Variants in NFYC observed in about 807,000 individuals in gnomAD.
NFYC encodes CAAT box DNA-binding protein subunit C.
A neutral mutation model predicts 53.1 loss-of-function variants in NFYC; 25 were observed. That is an observed-to-expected ratio of 0.47 (90% CI 0.34 to 0.66). The LOEUF is 0.66. Among genes scored for constraint, NFYC ranks in the 30% least tolerant of loss-of-function variants. The probability of loss-of-function intolerance (pLI) is 0.01; values close to 1 mark genes in which losing one functional copy is unlikely to be tolerated. For synonymous variants in NFYC, 145 were observed against 152.6 expected, an observed-to-expected ratio of 0.95 and a Z score of 0.37; for missense variants, 260 against 422.7, an observed-to-expected ratio of 0.62 and a Z score of 3.38.
chr1:40,694,396 A>T (rs894293530), intron 1 of NFYC, among the ~76,000 whole-genome samples: 4 of 152,216 alleles, frequency 2.6e-5, no homozygotes, highest in Admixed American at 6.5e-5. Context: ...TGGAAATCTT[A>T]ATTGCTTTAT....
intron 1 of NFYC, among the ~76,000 whole-genome samples, chr1:40,704,891 A>C (rs1643620352): frequency 6.6e-6 from 1 of 152,176 alleles, no homozygotes; most frequent in Non-Finnish European, 1.5e-5. Flanking sequence ...AGGCCTGCAG[A>C]ATATGCTAGA....
chr1:40,710,524 A>G (rs1467979810), intron 1 of NFYC, among the ~76,000 whole-genome samples: 1 of 152,214 alleles, frequency 6.6e-6, no homozygotes. Context: ...ACTAAGATCT[A>G]TAATACACCT....
At chr1:40,757,820 G>T in intron 5 of NFYC, 1 of 486,256 alleles carries the variant, frequency 2.1e-6, no homozygotes, top group East Asian at 4.0e-5. Flanking sequence ...AAGCACTGCT[G>T]GTGTGTGGTT....
intron 1 of NFYC, among the ~76,000 whole-genome samples, chr1:40,703,854 C>G (rs1410735477): frequency 6.6e-6 from 1 of 152,162 alleles, no homozygotes; most frequent in Non-Finnish European, 1.5e-5. Context: ...CTTATTTAAG[C>G]CTCAACACTC....
At chr1:40,702,271 T>C (rs774543179) in intron 1 of NFYC, among the ~76,000 whole-genome samples, 3 of 152,138 alleles carry the variant, frequency 2.0e-5, no homozygotes, top group Non-Finnish European at 2.9e-5. Flanking sequence ...CAGTGCAATG[T>C]TCCTTTATTC....
At chr1:40,759,905 A>G (rs531418733) in intron 6 of NFYC, among the ~76,000 whole-genome samples, 1 of 152,144 alleles carries the variant, frequency 6.6e-6, no homozygotes, top group Non-Finnish European at 1.5e-5. Flanking sequence ...ATATTCTAAT[A>G]AGGAGCTGAG....
chr1:40,733,813 G>T (rs1644889960), intron 1 of NFYC, among the ~76,000 whole-genome samples: 1 of 152,062 alleles, frequency 6.6e-6, no homozygotes, highest in Middle Eastern at 3.4e-3. Flanking sequence ...GCATTATCTT[G>T]ACTCACTGCA....
At chr1:40,700,200 T>A (rs1643364202) in intron 1 of NFYC, among the ~76,000 whole-genome samples, 1 of 152,230 alleles carries the variant, frequency 6.6e-6, no homozygotes, top group Non-Finnish European at 1.5e-5. Flanking sequence ...GGTCATCTAA[T>A]CCAATGCCCA....
At chr1:40,696,122 C>T (rs1643128941) in intron 1 of NFYC, among the ~76,000 whole-genome samples, 1 of 150,342 alleles carries the variant, frequency 6.7e-6, no homozygotes, top group Non-Finnish European at 1.5e-5. Flanking sequence ...CTCCCAGGTT[C>T]AAGCGATTCT....
chr1:40,764,704 T>C lies in NFYC; in HGVS notation c.720+1658T>C, dbSNP rs967883599. ...AGGCAGCTCATTGGAATGTTCCTAA[T>C]AGTGATGAGCTTCAGGAAGGAAACT... On this transcript the variant is annotated intron_variant, in intron 7 of 9. Transcript: ENST00000447388. 6.6e-5 allele frequency among the ~76,000 whole-genome samples: 10 copies of C among 152,352 alleles called. No individual in the cohort carries two copies. The South Asian group carries it at 1.2e-3, about 19-fold the overall frequency.
chr1:40,706,920 A>G (rs1266805674), intron 1 of NFYC, among the ~76,000 whole-genome samples: 1 of 152,188 alleles, frequency 6.6e-6, no homozygotes, highest in Non-Finnish European at 1.5e-5. Context: ...CTGTAATCCC[A>G]GCACTTTGGG....
chr1:40,692,638 C>A (rs979875310), intron 1 of NFYC, among the ~76,000 whole-genome samples: 3 of 152,214 alleles, frequency 2.0e-5, no homozygotes, highest in South Asian at 2.1e-4. Context: ...AGGGATTTTG[C>A]TGGAGAGTGC....
intron 7 of NFYC, chr1:40,766,360 T>G: frequency 1.8e-5 from 8 of 438,042 alleles, no homozygotes; most frequent in South Asian, 1.2e-4. Context: ...CTTCTGGGAG[T>G]TTTTTCTGAA....
chr1:40,751,085 T>G (rs1327837400), intron 4 of NFYC, among the ~76,000 whole-genome samples: 1 of 152,216 alleles, frequency 6.6e-6, no homozygotes, highest in East Asian at 1.9e-4. Flanking sequence ...AAAAATGCTC[T>G]TAACAACCTT....
chr1:40,733,795 G>A (rs1457882065), intron 1 of NFYC, among the ~76,000 whole-genome samples: 1 of 151,792 alleles, frequency 6.6e-6, no homozygotes, highest in African/African-American at 2.4e-5. Context: ...CCAGGCTGTT[G>A]TGCAGTGGCA....
intron 1 of NFYC, among the ~76,000 whole-genome samples, chr1:40,696,639 A>G (rs1482644622): frequency 6.6e-6 from 1 of 152,208 alleles, no homozygotes; most frequent in African/African-American, 2.4e-5. Context: ...ACTTTAAGTG[A>G]CAGGTTTACT....
chr1:40,757,437 C>G (rs1646288006), intron 5 of NFYC: 1 of 492,528 alleles, frequency 2.0e-6, no homozygotes, highest in East Asian at 5.9e-5. Context: ...CCTCCCTAAT[C>G]AGCCAAGGCA....
intron 7 of NFYC, chr1:40,763,472 G>A (rs145040282): frequency 9.0e-5 from 40 of 446,272 alleles, no homozygotes; most frequent in Non-Finnish European, 1.7e-4. Context: ...TCAGCCTCCC[G>A]AGTAGCTGGG....
intron 7 of NFYC, among the ~76,000 whole-genome samples, chr1:40,765,527 A>G (rs1475996589): frequency 1.3e-5 from 2 of 152,162 alleles, no homozygotes; most frequent in South Asian, 2.1e-4. Context: ...GCCAGAGGGA[A>G]ATTTGCTCCA....
Sources: allele counts gnomAD v4.1 joint callset (sites outside exome capture counted in the v4.1 genomes callset), GRCh38; gene constraint gnomAD v4.1.1; transcripts MANE v1.5; gene names NCBI Gene and HGNC (gene_info 2026-07-23, HGNC 2026-07-21).